The following CHST12 variants were observed in gnomAD, a reference collection of about 807,000 sequenced individuals.
CHST12 encodes carbohydrate (chondroitin 4) sulfotransferase 12.
In CHST12, 23 loss-of-function variants were observed where a neutral mutation model predicts 27.9. The observed-to-expected ratio is 0.82, with a 90% CI of 0.59 to 1.17. The LOEUF (loss-of-function observed/expected upper bound fraction) is 1.17. Among genes scored for constraint, CHST12 ranks in the 50% most tolerant of loss-of-function variants. The pLI is 0.00. For synonymous variants in CHST12, 322 were observed against 273.0 expected (o/e 1.18, Z -1.77); for missense variants, 682 against 603.0 (o/e 1.13, Z -1.37).
intron 1 of CHST12, among the ~76,000 whole-genome samples, chr7:2,417,152 C>T (rs568217018): frequency 2.6e-5 from 4 of 151,700 alleles, no homozygotes; most frequent in Non-Finnish European, 5.9e-5. Context: ...CAGTCTGAGA[C>T]GGAGTCCAAA....
In CHST12 at chr7:2,433,966, A is replaced by G. The variant is rs1782393356; in HGVS notation, c.*82A>G. On this transcript the variant is annotated 3_prime_UTR_variant, in exon 2 of 2. Transcript: ENST00000618655. The surrounding 1 kb of genome is among the most constrained non-coding windows in gnomAD (Gnocchi z 6.1). Reference sequence around the variant, plus strand: ...TTTTTTTATGACCTACGATTTTGCAATCTGGGCTTCTTGTTCACTCCACTG... The same window carrying G: ...TTTTTTTATGACCTACGATTTTGCAGTCTGGGCTTCTTGTTCACTCCACTG... The G allele has an allele frequency of 4.0e-6, 5 of 1,237,620 alleles. No individual in the cohort carries two copies. Among genetic ancestry groups the G allele is most frequent in the East Asian group, 2.3e-5 (1 of 42,574 alleles). The allele number at this position is 1,237,620 out of a possible 1,614,324, so 76.7% of individuals were successfully genotyped here.
In CHST12 at chr7:2,446,201, A is replaced by T. The variant is rs111553156; in HGVS notation, c.*12317A>T. 1 of 152,766 alleles carries T rather than the reference A, an allele frequency of 6.5e-6. No individual in the cohort carries two copies. 9.5% of individuals were successfully genotyped at this position (152,766 alleles called of 1,614,324 possible). On this transcript the variant is annotated 3_prime_UTR_variant, in exon 2 of 2. Coordinates refer to ENST00000618655, the MANE Select transcript of CHST12 (RefSeq NM_018641.5). ...GCAGCAGGGCTGGAAGGGAGAGCACATGCTGGGCCTTGGGGCTGCCTTGGA... is the reference window on the plus strand; with the variant it reads ...GCAGCAGGGCTGGAAGGGAGAGCACTTGCTGGGCCTTGGGGCTGCCTTGGA...
At chr7:2,412,414 A>G (rs1243908662) in intron 1 of CHST12, among the ~76,000 whole-genome samples, 3 of 152,164 alleles carry the variant, frequency 2.0e-5, no homozygotes, top group African/African-American at 7.2e-5. Context: ...GCAGTGAATT[A>G]TTTGCCTTAT....
At chr7:2,412,246 A>G (rs1236218641) in intron 1 of CHST12, among the ~76,000 whole-genome samples, 1 of 152,226 alleles carries the variant, frequency 6.6e-6, no homozygotes, top group Admixed American at 6.5e-5. Context: ...AATAAACCAT[A>G]GTCCTGGAGG....
At chr7:2,414,896 G>A (rs1478505369) in intron 1 of CHST12, among the ~76,000 whole-genome samples, 1 of 152,126 alleles carries the variant, frequency 6.6e-6, no homozygotes, top group African/African-American at 2.4e-5. Flanking sequence ...GAATTACTTT[G>A]CCACCTTTTG....
At position 2,441,713 on chromosome 7, in the gene CHST12, AG is replaced by A. The variant is rs1782610729; in HGVS notation, c.*7831del. 1.4e-5 allele frequency: 2 copies of A among 143,728 alleles called. No individual in the cohort carries two copies. The highest frequency in any genetic ancestry group is 2.3e-4 in the South Asian group (1 of 4,314). The allele number at this position is 143,728 out of a possible 1,614,324, so 8.9% of individuals were successfully genotyped here. On this transcript the variant is annotated 3_prime_UTR_variant, in exon 2 of 2. Coordinates refer to ENST00000618655, the MANE Select transcript of CHST12 (RefSeq NM_018641.5). ...GTCTTAAAAAAAAAAAAAAAAAAAA[AG>A]GTGTTGTATTTTATCATTAGAAGGC...
chr7:2,433,283 C>A lies in CHST12; in HGVS notation c.644C>A (p.Thr215Asn). 6.2e-7 allele frequency: 1 copy of A among 1,612,208 alleles called. No individual in the cohort carries two copies. The highest frequency in any genetic ancestry group is 8.5e-7 in the Non-Finnish European group (1 of 1,178,988). ...EHVHNASAHL[T>N]FNKFWRRYGK... ...GTGCACAACGCCAGCGCGCACCTGACCTTCAACAAGTTCTGGCGCCGCTAC... is the reference window on the plus strand; with the variant it reads ...GTGCACAACGCCAGCGCGCACCTGAACTTCAACAAGTTCTGGCGCCGCTAC... Residue 215 changes from threonine to asparagine, a missense_variant, in exon 2 of 2, where the codon ACC (threonine) becomes AAC (asparagine). Thr to Asn is a moderately conservative substitution (Grantham distance 65). Transcript: ENST00000618655. This position sits in a 1 kb window ranked among gnomAD's most constrained non-coding sequence, Gnocchi z 6.1.
chr7:2,418,631 G>A (rs1781874822), intron 1 of CHST12, among the ~76,000 whole-genome samples: 1 of 152,188 alleles, frequency 6.6e-6, no homozygotes, highest in South Asian at 2.1e-4. Context: ...GGAAGCAGGT[G>A]GGATCATGAC....
intron 1 of CHST12, among the ~76,000 whole-genome samples, chr7:2,404,608 G>A (rs1275270778): frequency 6.6e-6 from 1 of 152,238 alleles, no homozygotes; most frequent in Non-Finnish European, 1.5e-5. Flanking sequence ...CGGGGACCCG[G>A]GTTAGCCCCT....
intron 1 of CHST12, among the ~76,000 whole-genome samples, chr7:2,416,879 G>A (rs1781822710): frequency 6.6e-6 from 1 of 152,060 alleles, no homozygotes; most frequent in South Asian, 2.1e-4. Flanking sequence ...AGTCACATAC[G>A]CCTTCTCCGC....
At position 2,433,089 on chromosome 7, in the gene CHST12, C is replaced by A; in HGVS notation, c.450C>A (p.Pro150=). ...PTKERAFDDI[P]NSELSHLIVD... The stretch of plus-strand genomic sequence containing the variant: ...AGGAGCGCGCATTCGACGACATCCC[C>A]AACTCGGAGCTGAGCCACCTGATCG... Residue 150 remains proline, a synonymous_variant, in exon 2 of 2, where the codon CCC becomes CCA. Transcript: ENST00000618655. The surrounding 1 kb of genome is among the most constrained non-coding windows in gnomAD (Gnocchi z 6.1). The A allele has an allele frequency of 1.9e-6, 3 of 1,612,620 alleles. No individual in the cohort carries two copies. Among genetic ancestry groups the A allele is most frequent in the Non-Finnish European group, 2.5e-6 (3 of 1,179,688 alleles).
chr7:2,426,978 G>A (rs1782139554), intron 1 of CHST12, among the ~76,000 whole-genome samples: 1 of 151,646 alleles, frequency 6.6e-6, no homozygotes. Context: ...GTGACACAGC[G>A]AGACCCTGTC....
intron 1 of CHST12, among the ~76,000 whole-genome samples, chr7:2,413,392 T>C (rs936215478): frequency 6.6e-6 from 1 of 152,236 alleles, no homozygotes; most frequent in East Asian, 1.9e-4. Context: ...ATCAAATGTA[T>C]TGAGTATGAT....
chr7:2,413,419 G>A (rs184281851), intron 1 of CHST12, among the ~76,000 whole-genome samples: 15 of 152,230 alleles, frequency 9.9e-5, no homozygotes, highest in East Asian at 5.8e-4. Flanking sequence ...GCAATAAAAC[G>A]TACCCATTTT....
chr7:2,414,640 T>A (rs1432859806), intron 1 of CHST12, among the ~76,000 whole-genome samples: 1 of 152,214 alleles, frequency 6.6e-6, no homozygotes, highest in East Asian at 1.9e-4. Context: ...TTTGATAAAG[T>A]CCAATTTACC....
At chr7:2,410,158 C>T (rs1781630038) in intron 1 of CHST12, among the ~76,000 whole-genome samples, 3 of 152,184 alleles carry the variant, frequency 2.0e-5, no homozygotes. Context: ...TATACATCAT[C>T]CTTCACCTGT....
chr7:2,422,478 C>T (rs1342298073), intron 1 of CHST12, among the ~76,000 whole-genome samples: 2 of 152,044 alleles, frequency 1.3e-5, no homozygotes, highest in Non-Finnish European at 2.9e-5. Context: ...CTCCTGACCT[C>T]AGGTGATCCA....
chr7:2,425,708 CTT>C (rs1782100655), intron 1 of CHST12, among the ~76,000 whole-genome samples: 2 of 134,862 alleles, frequency 1.5e-5, no homozygotes, highest in African/African-American at 2.9e-5. Flanking sequence ...TTTTTTTTGT[CTT>C]TTGTCAAGCT....
intron 1 of CHST12, among the ~76,000 whole-genome samples, chr7:2,425,691 C>CTTT (rs760502452): frequency 1.5e-5 from 2 of 137,876 alleles, no homozygotes; most frequent in African/African-American, 5.4e-5. Context: ...ACTGCATTTG[C>CTTT]TTTTTTTTTT....
Sources: gnomAD v4.1 joint callset for allele counts (sites outside exome capture counted in the v4.1 genomes callset) on GRCh38, gnomAD v4.1.1 for gene constraint, Gnocchi (gnomAD v3.1) non-coding constraint, MANE v1.5 for transcripts, NCBI Gene and HGNC (gene_info 2026-07-23, HGNC 2026-07-21) for gene names.